EPHA7: variants seen among roughly 807,000 people sequenced by gnomAD.
The protein encoded by EPHA7 is ephrin type-A receptor 7.
Under a neutral mutation model 112.6 loss-of-function variants are expected in EPHA7, and 25 were observed. The observed-to-expected ratio is 0.22, with a 90% CI of 0.16 to 0.31. The LOEUF is 0.31. EPHA7 is among the 10% of genes least tolerant of loss of function. The pLI, the probability that EPHA7 is intolerant of heterozygous loss-of-function variation, is 1.00. For synonymous variants in EPHA7, 437 were observed against 406.5 expected, an observed-to-expected ratio of 1.07 and a Z score of -0.90; for missense variants, 962 against 1,212.6, an observed-to-expected ratio of 0.79 and a Z score of 3.07.
At chr6:93,379,603 T>C (rs2127969321) in intron 3 of EPHA7, among the ~76,000 whole-genome samples, 1 of 152,056 alleles carries the variant, frequency 6.6e-6, no homozygotes, top group East Asian at 1.9e-4. Context: ...GGAAATAGAA[T>C]GCCAAAAGGT....
intron 5 of EPHA7, among the ~76,000 whole-genome samples, chr6:93,273,957 G>C (rs1771351487): frequency 6.6e-6 from 1 of 151,774 alleles, no homozygotes; most frequent in Non-Finnish European, 1.5e-5. Context: ...ATCTCTAGTA[G>C]CATAACTTAC....
At position 93,313,943 on chromosome 6, in the gene EPHA7, G is replaced by A. The variant is rs906582791; in HGVS notation, c.1325-41521C>T. Among the ~76,000 whole-genome samples, 9 of 151,980 alleles carry A rather than the reference G, an allele frequency of 5.9e-5. No homozygotes were observed. In the East Asian group the frequency reaches 1.5e-3, roughly 26 times the overall value. On this transcript the variant is annotated intron_variant, in intron 5 of 16. Coordinates refer to ENST00000369303, the MANE Select transcript of EPHA7 (RefSeq NM_004440.4). ...CATTAGGAATAATGAGTTTAGAGAC[G>A]ATGTTTCTCTTCTTTCTCCTCCTTT... is the stretch of plus-strand genomic sequence containing the variant.
At chr6:93,273,022 T>A (rs1012686686) in intron 5 of EPHA7, among the ~76,000 whole-genome samples, 1 of 151,962 alleles carries the variant, frequency 6.6e-6, no homozygotes, top group African/African-American at 2.4e-5. Context: ...ATTATGTGCA[T>A]GAACACACAT....
At chr6:93,328,038 T>C (rs903019458) in intron 5 of EPHA7, among the ~76,000 whole-genome samples, 1 of 151,472 alleles carries the variant, frequency 6.6e-6, no homozygotes, top group African/African-American at 2.4e-5. Flanking sequence ...TCACACCAGA[T>C]ACACTTATCT....
chr6:93,346,108 G>T (rs1251787619), intron 5 of EPHA7, among the ~76,000 whole-genome samples: 1 of 151,634 alleles, frequency 6.6e-6, no homozygotes, highest in Non-Finnish European at 1.5e-5. Context: ...ATTGACAGTG[G>T]CAGTGCATAG....
rs2127994455 is a variant in EPHA7 at position 93,410,633 on chromosome 6, A to G, written c.700T>C (p.Cys234Arg). 2 of 1,613,968 alleles carry G rather than the reference A, an allele frequency of 1.2e-6. No individual in the cohort carries two copies. The highest frequency in any genetic ancestry group is 2.2e-5 in the East Asian group (1 of 44,862). ...FSSLVEVRGT[C>R]VSSAEEEAEN... ...GCTTCTTCCTCTGCACTGCTGACACATGTCCCTCGAACCTCGACTAAAGAG... is the reference window on the plus strand; with the variant it reads ...GCTTCTTCCTCTGCACTGCTGACACGTGTCCCTCGAACCTCGACTAAAGAG... Residue 234 changes from cysteine (C) to arginine (R), a missense_variant, in exon 3 of 17, where the codon TGT (cysteine) becomes CGT (arginine). Physicochemically the swap from Cys to Arg is radical, Grantham distance 180. Around this residue, in one of 3 missense-constraint regions of EPHA7, gnomAD observed 160 missense variants for 263.6 expected, o/e 0.61. Coordinates refer to ENST00000369303, the MANE Select transcript of EPHA7 (RefSeq NM_004440.4). The surrounding 1 kb of genome is among the most constrained non-coding windows in gnomAD (Gnocchi z 4.0).
chr6:93,323,478 G>C (rs1393314775), intron 5 of EPHA7, among the ~76,000 whole-genome samples: 2 of 151,434 alleles, frequency 1.3e-5, no homozygotes, highest in African/African-American at 4.8e-5. Context: ...TGGGAAATGT[G>C]CATGTTTATT....
intron 3 of EPHA7, among the ~76,000 whole-genome samples, chr6:93,399,457 T>C (rs970132842): frequency 6.6e-6 from 1 of 152,118 alleles, no homozygotes; most frequent in African/African-American, 2.4e-5. Flanking sequence ...TTATTATTTT[T>C]AAAATGTGAA....
chr6:93,392,076 AT>A (rs1163348112), intron 3 of EPHA7, among the ~76,000 whole-genome samples: 3 of 152,012 alleles, frequency 2.0e-5, no homozygotes, highest in Admixed American at 6.6e-5. Flanking sequence ...GCTCTACAGA[AT>A]AACGCAATTT....
At chr6:93,264,178 G>T (rs1360372216) in intron 8 of EPHA7, among the ~76,000 whole-genome samples, 2 of 151,540 alleles carry the variant, frequency 1.3e-5, no homozygotes, top group African/African-American at 2.4e-5. Flanking sequence ...AATCCACAAG[G>T]TTCAATTTAC....
intron 3 of EPHA7, among the ~76,000 whole-genome samples, chr6:93,401,283 C>G (rs997798963): frequency 6.6e-6 from 1 of 151,984 alleles, no homozygotes; most frequent in African/African-American, 2.4e-5. Context: ...CTATTACATC[C>G]CAGAGTGCAT....
chr6:93,258,326 A>C (rs544404425), intron 10 of EPHA7, 42 bp from the exon 11 acceptor site: 1 of 1,495,952 alleles, frequency 6.7e-7, no homozygotes, highest in Non-Finnish European at 9.0e-7. Context: ...GTTTCTAAAT[A>C]TTGTAATTTT....
At chr6:93,268,873 A>G (rs1771075201) in intron 7 of EPHA7, among the ~76,000 whole-genome samples, 1 of 151,886 alleles carries the variant, frequency 6.6e-6, no homozygotes, top group African/African-American at 2.4e-5. Context: ...AGGGATATTC[A>G]TTTAATTATC....
chr6:93,259,539 C>T, intron 9 of EPHA7, 60 bp from the exon 10 acceptor site: 4 of 1,593,352 alleles, frequency 2.5e-6, no homozygotes, highest in Non-Finnish European at 3.4e-6. Context: ...TGCAGTCAGC[C>T]CAGGAATTTC....
chr6:93,302,924 CT>C (rs1194188461), intron 5 of EPHA7, among the ~76,000 whole-genome samples: 1 of 152,056 alleles, frequency 6.6e-6, no homozygotes, highest in East Asian at 1.9e-4. Context: ...CTAGCCAGTT[CT>C]TAATAGGGGC....
chr6:93,264,294 A>T (rs1229338060), intron 8 of EPHA7, among the ~76,000 whole-genome samples: 1 of 151,512 alleles, frequency 6.6e-6, no homozygotes, highest in African/African-American at 2.4e-5. Flanking sequence ...TAATAGCTAA[A>T]AGAGTAAACA....
intron 3 of EPHA7, among the ~76,000 whole-genome samples, chr6:93,403,811 G>A (rs748861942): frequency 2.0e-5 from 3 of 151,948 alleles, no homozygotes; most frequent in Non-Finnish European, 4.4e-5. Flanking sequence ...GATAGATTAA[G>A]AACAAGGAGA....
intron 5 of EPHA7, among the ~76,000 whole-genome samples, chr6:93,332,498 ATTT>A (rs1774645516): frequency 6.6e-6 from 1 of 151,584 alleles, no homozygotes; most frequent in South Asian, 2.1e-4. Flanking sequence ...TGGCTTATAT[ATTT>A]TTATATGCAA....
At chr6:93,311,114 ATTTTTTTTTTT>A (rs71542009) in intron 5 of EPHA7, among the ~76,000 whole-genome samples, 11 of 78,510 alleles carry the variant, frequency 1.4e-4, no homozygotes, top group African/African-American at 4.7e-4. Context: ...ATGCCCAGCT[ATTTTTTTTTTT>A]TTTTTTTTTT....
Sources: allele counts gnomAD v4.1 joint callset (sites outside exome capture counted in the v4.1 genomes callset), GRCh38; gene constraint gnomAD v4.1.1; regional missense constraint gnomAD v4.1.1; non-coding constraint Gnocchi (gnomAD v3.1); transcripts MANE v1.5; gene names NCBI Gene and HGNC (gene_info 2026-07-23, HGNC 2026-07-21).